FRYL: variants seen among roughly 807,000 people sequenced by gnomAD.
FRYL encodes FRY like transcription coactivator.
A neutral mutation model predicts 351.2 loss-of-function variants in FRYL; 150 were observed. The ratio of observed to expected loss-of-function variants is 0.43; its 90% CI spans 0.37 to 0.49. The LOEUF is 0.49. Among genes scored for constraint, FRYL ranks in the 20% least tolerant of loss-of-function variants. The probability of loss-of-function intolerance (pLI) is 0.00; values close to 1 mark genes in which losing one functional copy is unlikely to be tolerated. For missense variants in FRYL, 3,036 were observed against 3,619.3 expected, an observed-to-expected ratio of 0.84 and a Z score of 4.13; for synonymous variants, 1,153 against 1,257.1, an observed-to-expected ratio of 0.92 and a Z score of 1.75.
At chr4:48,536,717 T>C (rs979579221) in intron 47 of FRYL, among the ~76,000 whole-genome samples, 1 of 152,222 alleles carries the variant, frequency 6.6e-6, no homozygotes, top group African/African-American at 2.4e-5. Context: ...GTTTTCCTTT[T>C]CCTTATTCTT....
chr4:48,748,375 T>A (rs1772897415), intron 1 of FRYL, among the ~76,000 whole-genome samples: 2 of 152,214 alleles, frequency 1.3e-5, no homozygotes, highest in African/African-American at 4.8e-5. Flanking sequence ...GAACATTACG[T>A]TTCCCAGCTT....
At chr4:48,614,242 A>C (rs1011617113) in intron 7 of FRYL, among the ~76,000 whole-genome samples, 1 of 152,210 alleles carries the variant, frequency 6.6e-6, no homozygotes, top group Non-Finnish European at 1.5e-5. Context: ...TTAAAAAAAA[A>C]ATTCTCAAAC....
At chr4:48,703,729 C>T (rs1356157156) in intron 2 of FRYL, among the ~76,000 whole-genome samples, 5 of 152,196 alleles carry the variant, frequency 3.3e-5, no homozygotes. Context: ...GAATTCTTAA[C>T]CACATATTTA....
chr4:48,506,359 C>A (rs1168510082), intron 59 of FRYL: 1 of 150,876 alleles, frequency 6.6e-6, no homozygotes, highest in Non-Finnish European at 1.5e-5. Context: ...CATAGGGAGA[C>A]CCTGTCTCTA....
intron 1 of FRYL, among the ~76,000 whole-genome samples, chr4:48,713,307 T>A (rs1768324996): frequency 6.6e-6 from 1 of 152,178 alleles, no homozygotes; most frequent in African/African-American, 2.4e-5. Context: ...AATGATCCAA[T>A]TAAAAGACAC....
chr4:48,650,499 G>A (rs1284922972), intron 3 of FRYL, among the ~76,000 whole-genome samples: 2 of 152,154 alleles, frequency 1.3e-5, no homozygotes, highest in East Asian at 3.8e-4. Flanking sequence ...TTAACTATGT[G>A]GCTGACTGAA....
intron 1 of FRYL, among the ~76,000 whole-genome samples, chr4:48,771,636 G>A (rs531698676): frequency 6.6e-6 from 1 of 152,148 alleles, no homozygotes; most frequent in South Asian, 2.1e-4. Flanking sequence ...TACCATCCTC[G>A]GCTATCCAGA....
rs375591165 is a variant in FRYL, at chr4:48,540,405, A to C, written c.6243T>G (p.Ser2081Arg). The change falls in exon 46 of 64, where the codon AGT (serine) becomes AGG (arginine). Residue 2081 changes from serine to arginine, a missense_variant. Physicochemically the swap from Ser to Arg is moderately radical, Grantham distance 110. Around this residue, in one of 7 missense-constraint regions of FRYL, gnomAD observed 1,987 missense variants for 2,311.7 expected, o/e 0.86. Coordinates refer to ENST00000358350, the MANE Select transcript of FRYL (RefSeq NM_015030.2). ...STQEMTVHLL[S>R]KLISVSKHTL... is the part of the protein sequence containing the mutation. ...TATGTTTGGAGACAGAAATGAGTTT[A>C]CTGAGGAGGTGCACGGTCATTTCTT... 5.0e-6 allele frequency: 8 copies of C among 1,613,764 alleles called. No individual in the cohort carries two copies. Among genetic ancestry groups the C allele is most frequent in the Non-Finnish European group, 6.8e-6 (8 of 1,179,800 alleles).
chr4:48,678,824 T>G (rs1764188871), intron 3 of FRYL, among the ~76,000 whole-genome samples: 1 of 152,108 alleles, frequency 6.6e-6, no homozygotes, highest in South Asian at 2.1e-4. Context: ...AGTAAAAACA[T>G]ATATACCATA....
At chr4:48,619,122 C>G (rs1750140839) in intron 7 of FRYL, 152 bp downstream of exon 7, 2 of 594,554 alleles carry the variant, frequency 3.4e-6, no homozygotes, top group African/African-American at 3.7e-5. Flanking sequence ...GGCAGGAAAG[C>G]CCCAGGCAAC....
intron 15 of FRYL, among the ~76,000 whole-genome samples, 174 bp downstream of exon 15, chr4:48,595,416 C>T (rs1304869955): frequency 1.3e-5 from 2 of 152,202 alleles, no homozygotes; most frequent in Non-Finnish European, 2.9e-5. Flanking sequence ...CTCTTCAATT[C>T]AAAGTGCTGC....
chr4:48,624,972 C>T (rs1045888379), intron 4 of FRYL, among the ~76,000 whole-genome samples: 7 of 152,142 alleles, frequency 4.6e-5, no homozygotes, highest in Non-Finnish European at 8.8e-5. Flanking sequence ...TCTTGGGTTT[C>T]GAATGTGCTG....
intron 7 of FRYL, among the ~76,000 whole-genome samples, chr4:48,613,923 T>C (rs1385524553): frequency 2.1e-5 from 3 of 139,972 alleles, no homozygotes; most frequent in African/African-American, 8.2e-5. Flanking sequence ...CCCACTGTAC[T>C]CCTGCATGGG....
intron 1 of FRYL, among the ~76,000 whole-genome samples, chr4:48,727,065 T>C (rs1770163611): frequency 6.6e-6 from 1 of 151,792 alleles, no homozygotes; most frequent in African/African-American, 2.4e-5. Context: ...ACTACAGAAA[T>C]AAAGGTTTTT....
chr4:48,502,808 A>C lies in FRYL; in HGVS notation c.8481+20T>G. The C allele has an allele frequency of 6.2e-7, 1 of 1,603,848 alleles. No homozygotes were observed. Among genetic ancestry groups the C allele is most frequent in the Non-Finnish European group, 8.5e-7 (1 of 1,171,814 alleles). ...GTCTGGCAAGGGTGAGTAGTCTATA[A>C]ATCAAGACAGGTCACTTACTGCTAG... On this transcript the variant is annotated intron_variant, in intron 61 of 63. Coordinates refer to ENST00000358350, the MANE Select transcript of FRYL (RefSeq NM_015030.2).
chr4:48,527,131 A>G (rs1726431427), intron 53 of FRYL, among the ~76,000 whole-genome samples: 1 of 152,162 alleles, frequency 6.6e-6, no homozygotes, highest in Admixed American at 6.5e-5. Flanking sequence ...CTCTCTTTAA[A>G]GTTGTCCTTA....
In FRYL at chr4:48,567,898, A is replaced by G. The variant is rs1737156217; in HGVS notation, c.2997-478T>C. On this transcript the variant is annotated intron_variant, in intron 27 of 63. Coordinates refer to ENST00000358350, the MANE Select transcript of FRYL (RefSeq NM_015030.2). This position sits in a 1 kb window ranked among gnomAD's most constrained non-coding sequence, Gnocchi z 4.2. ...GTATTATCAGGGATGCAAAAATCTA[A>G]GAGAATTCTTGTAAGAATAGGGTAG... is the stretch of plus-strand genomic sequence containing the variant. Among the ~76,000 whole-genome samples, 2 of 152,248 alleles carry G rather than the reference A, an allele frequency of 1.3e-5. No homozygotes were observed. The highest frequency in any genetic ancestry group is 2.9e-5 in the Non-Finnish European group (2 of 68,048).
At chr4:48,775,333 A>G (rs1217972483) in intron 1 of FRYL, among the ~76,000 whole-genome samples, 5 of 152,238 alleles carry the variant, frequency 3.3e-5, no homozygotes, top group Non-Finnish European at 7.3e-5. Flanking sequence ...TGCTCAGAGG[A>G]GCTCATAACT....
intron 1 of FRYL, among the ~76,000 whole-genome samples, chr4:48,712,464 A>G (rs1296540234): frequency 1.3e-5 from 2 of 152,156 alleles, no homozygotes; most frequent in African/African-American, 4.8e-5. Context: ...AAGAAAGGGT[A>G]TCAGCGATGG....
Sources: gnomAD v4.1 joint callset for allele counts (sites outside exome capture counted in the v4.1 genomes callset) on GRCh38, gnomAD v4.1.1 for gene constraint, gnomAD v4.1.1 regional missense constraint, Gnocchi (gnomAD v3.1) non-coding constraint, MANE v1.5 for transcripts, NCBI Gene and HGNC (gene_info 2026-07-23, HGNC 2026-07-21) for gene names.